ERAP1: variants seen among roughly 807,000 people sequenced by gnomAD.
ERAP1 encodes adipocyte-derived leucine aminopeptidase.
Under a neutral mutation model 103.7 loss-of-function variants are expected in ERAP1, and 86 were observed. The observed-to-expected ratio is 0.83, with a 90% CI of 0.70 to 0.99. ERAP1 has a LOEUF of 0.99. ERAP1 is among the 50% of genes least tolerant of loss of function. The pLI, the probability that ERAP1 is intolerant of heterozygous loss-of-function variation, is 0.00. For missense variants in ERAP1, 1,009 were observed against 1,128.4 expected, an observed-to-expected ratio of 0.89 and a Z score of 1.52; for synonymous variants, 398 against 402.4, an observed-to-expected ratio of 0.99 and a Z score of 0.13.
In ERAP1 at chr5:96,780,454, T is replaced by TTTG; in HGVS notation, c.2636_2638dup (p.Thr879dup). The TTTG allele has an allele frequency of 6.2e-7, 1 of 1,612,966 alleles. No homozygotes were observed. Among genetic ancestry groups the TTTG allele is most frequent in the Non-Finnish European group, 8.5e-7 (1 of 1,179,466 alleles). On this transcript the variant is annotated inframe_insertion, in exon 18 of 19. Coordinates refer to ENST00000443439, the MANE Select transcript of ERAP1 (RefSeq NM_001040458.3). ...AAGCCGTGTTCTTGTGGAGAATTGATTTGTTGTACCCATTACCATGTGGGC... is the reference window on the plus strand; with the variant it reads ...AAGCCGTGTTCTTGTGGAGAATTGATTTGTTGTTGTACCCATTACCATGTGGGC...
At chr5:96,876,501 G>C in the ERAP1 span, 1 of 152,280 alleles carries the variant, frequency 6.6e-6, no homozygotes, top group Non-Finnish European at 1.5e-5. Context: ...TTCCCCTTCA[G>C]TCAAATCTGC....
chr5:96,793,861 G>T lies in ERAP1; in HGVS notation c.1016C>A (p.Ser339Tyr), dbSNP rs1344153884. Residue 339 changes from serine to tyrosine, a missense_variant, in exon 6 of 19, where the codon TCT becomes TAT. By Grantham distance (144) the Ser-to-Tyr change is moderately radical (BLOSUM62 -2). Transcript: ENST00000443439. The stretch of plus-strand genomic sequence containing the variant: ...GATGCCAAGCTTACTTGATGCAGAA[G>T]ACTTTTCTGCATCAAACAACAGAGC... ...ESALLFDAEK[S>Y]SASSKLGITM... 6.2e-7 allele frequency: 1 copy of T among 1,613,498 alleles called. No homozygotes were observed. Among genetic ancestry groups the T allele is most frequent in the African/African-American group, 1.3e-5 (1 of 75,036 alleles).
chr5:96,883,699 C>T, the ERAP1 span: 2 of 1,291,070 alleles, frequency 1.5e-6, no homozygotes, highest in Non-Finnish European at 2.1e-6. Context: ...GTCTATTACC[C>T]CCAGGTTTGA....
the ERAP1 span, among the ~76,000 whole-genome samples, chr5:96,882,194 ACTT>A: frequency 6.6e-6 from 1 of 152,200 alleles, no homozygotes; most frequent in Non-Finnish European, 1.5e-5. Flanking sequence ...AAAAGTGTCA[ACTT>A]CTTCTCACTA....
chr5:96,853,230 C>G, the ERAP1 span, among the ~76,000 whole-genome samples: 1 of 152,122 alleles, frequency 6.6e-6, no homozygotes, highest in Non-Finnish European at 1.5e-5. Context: ...AAGGAATAGC[C>G]AAACTTTATT....
At position 96,767,366 on chromosome 5, in the gene ERAP1, T is replaced by G. The variant is rs564622624; in HGVS notation, c.2819-4138A>C. ...CAAGTCAAGTCATGGGACAATAGAT[T>G]CTCTACTGCCTAAACCTAAGTAAAC... is the stretch of plus-strand genomic sequence containing the variant. On this transcript the variant is annotated intron_variant, in intron 19 of 19. Transcript: ENST00000296754. The G allele has an allele frequency of 1.2e-4, 154 of 1,247,822 alleles. 2 individuals are homozygous for G. In the East Asian group the frequency reaches 3.5e-3, roughly 29 times the overall value. The allele number at this position is 1,247,822 out of a possible 1,614,324, so 77.3% of individuals were successfully genotyped here. A position where few individuals can be genotyped will look rare whatever the true frequency, so the allele number is the denominator to read the frequency against.
chr5:96,781,130 A>C lies in ERAP1; in HGVS notation c.2516T>G (p.Ile839Ser). ...TQEFPQILTL[I>S]GRNPVGYPLA... Reference sequence around the variant, plus strand: ...TGGGTATCCTACTGGGTTCCTGCCAATGAGTGTAAGAATTTGTGGAAACTC... The same window carrying C: ...TGGGTATCCTACTGGGTTCCTGCCACTGAGTGTAAGAATTTGTGGAAACTC... Residue 839 changes from isoleucine to serine, a missense_variant, in exon 17 of 19, where the codon ATT becomes AGT. Ile to Ser is a moderately radical substitution (Grantham distance 142, BLOSUM62 -2). Transcript: ENST00000443439. The C allele has an allele frequency of 6.2e-7, 1 of 1,613,656 alleles. No individual in the cohort carries two copies. Among genetic ancestry groups the C allele is most frequent in the South Asian group, 1.1e-5 (1 of 91,040 alleles).
chr5:96,776,082 A>T lies in ERAP1; in HGVS notation c.*314T>A, dbSNP rs1172554796. The T allele has an allele frequency of 7.8e-7, 1 of 1,284,118 alleles. No individual in the cohort carries two copies. Among genetic ancestry groups the T allele is most frequent in the Non-Finnish European group, 1.0e-6 (1 of 992,476 alleles). The allele number at this position is 1,284,118 out of a possible 1,614,324, so 79.5% of individuals were successfully genotyped here. A position where few individuals can be genotyped will look rare whatever the true frequency, so the allele number is the denominator to read the frequency against. ...AGTTTATGAATGATAAACATGGGGTACAGGGTTTTGGACACGGGTGCTTAA... is the reference window on the plus strand; with the variant it reads ...AGTTTATGAATGATAAACATGGGGTTCAGGGTTTTGGACACGGGTGCTTAA... On this transcript the variant is annotated 3_prime_UTR_variant, in exon 19 of 19. Transcript: ENST00000443439.
the ERAP1 span, among the ~76,000 whole-genome samples, chr5:96,837,520 G>C: frequency 6.6e-6 from 1 of 152,218 alleles, no homozygotes; most frequent in South Asian, 2.1e-4. Context: ...GTGGGACGGG[G>C]AGCGCAGGTG....
At chr5:96,887,447 C>T in the ERAP1 span, among the ~76,000 whole-genome samples, 1 of 151,932 alleles carries the variant, frequency 6.6e-6, no homozygotes, top group Non-Finnish European at 1.5e-5. Flanking sequence ...ACTACAAACA[C>T]AGGCCATCAT....
the ERAP1 span, among the ~76,000 whole-genome samples, chr5:96,911,637 A>T: frequency 2.6e-5 from 4 of 152,068 alleles, no homozygotes; most frequent in Non-Finnish European, 5.9e-5. Flanking sequence ...TGTAAGGCCA[A>T]GGGGTAAGAA....
chr5:96,884,744 A>G, the ERAP1 span, among the ~76,000 whole-genome samples: 1 of 151,632 alleles, frequency 6.6e-6, no homozygotes, highest in Admixed American at 6.6e-5. Context: ...TATTTTCAGT[A>G]GAGACGGGGT....
chr5:96,905,930 T>A, the ERAP1 span, among the ~76,000 whole-genome samples: 13 of 140,602 alleles, frequency 9.2e-5, no homozygotes, highest in Non-Finnish European at 1.8e-4. Flanking sequence ...AGAGATAATT[T>A]TTTTTTCTTT....
the ERAP1 span, chr5:96,917,503 T>C: frequency 4.3e-5 from 69 of 1,613,554 alleles, no homozygotes; most frequent in South Asian, 7.2e-4. Flanking sequence ...AAGGATCACA[T>C]CTGGATATTT....
intron 7 of ERAP1, among the ~76,000 whole-genome samples, chr5:96,792,697 G>T (rs26512): frequency 0.71 from 108,074 of 152,004 alleles, 39,046 homozygotes; most frequent in Non-Finnish European, 0.79. Flanking sequence ...AAAATATTTA[G>T]GATTATAATG....
chr5:96,916,413 T>C, the ERAP1 span, among the ~76,000 whole-genome samples: 1 of 151,856 alleles, frequency 6.6e-6, no homozygotes, highest in Admixed American at 6.6e-5. Context: ...GAAGCGTACT[T>C]AATGATCTTT....
intron 2 of ERAP1, among the ~76,000 whole-genome samples, chr5:96,802,292 G>T (rs1002019786): frequency 1.3e-5 from 2 of 151,974 alleles, no homozygotes; most frequent in African/African-American, 4.8e-5. Context: ...TCATTAAAAA[G>T]ATGTCTAGTA....
At chr5:96,885,199 G>A in the ERAP1 span, among the ~76,000 whole-genome samples, 6 of 152,150 alleles carry the variant, frequency 3.9e-5, no homozygotes, top group East Asian at 3.9e-4. Context: ...ACAGCCTCAC[G>A]CCTCTGCCAG....
At chr5:96,856,223 G>A in the ERAP1 span, among the ~76,000 whole-genome samples, 2 of 146,758 alleles carry the variant, frequency 1.4e-5, no homozygotes, top group East Asian at 4.0e-4. Context: ...GGAGGCTGAG[G>A]CAGGAGAATT....
Sources: allele counts gnomAD v4.1 joint callset (sites outside exome capture counted in the v4.1 genomes callset), GRCh38; gene constraint gnomAD v4.1.1; transcripts MANE v1.5; gene names NCBI Gene and HGNC (gene_info 2026-07-23, HGNC 2026-07-21).